Variants in COLEC10 observed in about 807,000 individuals in gnomAD.
COLEC10 encodes collectin-10.
In COLEC10, 22 loss-of-function variants were observed where a neutral mutation model predicts 28.4. The observed-to-expected ratio is 0.78, with a 90% confidence interval of 0.55 to 1.11. COLEC10 has a LOEUF of 1.11. Among genes scored for constraint, COLEC10 ranks in the 50% least tolerant of loss-of-function variants. The pLI is 0.00. For synonymous variants in COLEC10, 125 were observed against 116.1 expected (o/e 1.08, Z -0.49); for missense variants, 361 against 344.1 (o/e 1.05, Z -0.39).
chr8:119,083,680 A>G (rs1047728817), intron 1 of COLEC10, among the ~76,000 whole-genome samples: 3 of 152,206 alleles, frequency 2.0e-5, no homozygotes, highest in Admixed American at 6.6e-5. Context: ...CGGATAGGAA[A>G]CTAAAGCAGG....
At chr8:118,993,900 T>G (rs1473993062), upstream of COLEC10, among the ~76,000 whole-genome samples, 1 of 152,144 alleles carries the variant, frequency 6.6e-6, no homozygotes, top group African/African-American at 2.4e-5. Context: ...TGGTTAAAGA[T>G]GAAGAATTCC....
At chr8:119,004,999 G>T (rs1225742621) in intron 1 of COLEC10, among the ~76,000 whole-genome samples, 1 of 151,890 alleles carries the variant, frequency 6.6e-6, no homozygotes, top group Non-Finnish European at 1.5e-5. Flanking sequence ...TAACATGCAG[G>T]TATGATCATG....
At chr8:118,988,041 G>T in the COLEC10 span, among the ~76,000 whole-genome samples, 33 of 152,232 alleles carry the variant, frequency 2.2e-4, no homozygotes, top group Non-Finnish European at 3.2e-4. Flanking sequence ...AGAGACAGGT[G>T]CATCCAGAGA....
chr8:119,020,482 A>G (rs762177177), intron 2 of COLEC10, among the ~76,000 whole-genome samples: 31 of 152,142 alleles, frequency 2.0e-4, no homozygotes, highest in Non-Finnish European at 4.1e-4. Context: ...GTAGATGTAC[A>G]CAGACACTTA....
At chr8:118,971,350 C>T in the COLEC10 span, among the ~76,000 whole-genome samples, 2 of 151,948 alleles carry the variant, frequency 1.3e-5, no homozygotes, top group Non-Finnish European at 2.9e-5. Flanking sequence ...GCATGACTCT[C>T]CTTTTCTGGG....
chr8:119,035,000 G>A (rs1814361169), intron 2 of COLEC10, among the ~76,000 whole-genome samples: 1 of 152,122 alleles, frequency 6.6e-6, no homozygotes, highest in Non-Finnish European at 1.5e-5. Context: ...CTGAGTTAGC[G>A]GCAATACTAA....
At chr8:119,030,442 T>A (rs1814267648) in intron 2 of COLEC10, among the ~76,000 whole-genome samples, 1 of 152,118 alleles carries the variant, frequency 6.6e-6, no homozygotes, top group Admixed American at 6.6e-5. Flanking sequence ...GGTGGGCAGA[T>A]CACTTGAGGT....
the COLEC10 span, among the ~76,000 whole-genome samples, chr8:118,987,464 T>C: frequency 6.6e-6 from 1 of 152,118 alleles, no homozygotes; most frequent in Non-Finnish European, 1.5e-5. Context: ...TTTGGGAGGC[T>C]GAGGCATGAA....
rs1365423270 is a variant in COLEC10 at position 119,069,452 on chromosome 8, T to A, written c.148+2023T>A. ...TCTACAAAAAATTAAAATAATTTTTTAAAAATTAGCCAGGTGTGGTGGTGC... is the reference window on the plus strand; with the variant it reads ...TCTACAAAAAATTAAAATAATTTTTAAAAAATTAGCCAGGTGTGGTGGTGC... On this transcript the variant is annotated intron_variant, in intron 1 of 5. Transcript: ENST00000332843. Among the ~76,000 whole-genome samples, 29 of 149,766 alleles carry A rather than the reference T, an allele frequency of 1.9e-4. No individual in the cohort carries two copies. The Admixed American group carries it at 1.9e-3, about 10-fold the overall frequency.
chr8:119,084,164 A>T (rs1200238896), intron 1 of COLEC10, among the ~76,000 whole-genome samples: 1 of 152,208 alleles, frequency 6.6e-6, no homozygotes, highest in East Asian at 1.9e-4. Flanking sequence ...AGCCACCCCC[A>T]GGATGGGAGA....
At chr8:118,969,681 GTTTC>G in the COLEC10 span, among the ~76,000 whole-genome samples, 2 of 148,928 alleles carry the variant, frequency 1.3e-5, no homozygotes, top group East Asian at 2.0e-4. Flanking sequence ...TAATTGGCTT[GTTTC>G]TTTCTTTCTT....
chr8:119,085,241 GCA>G (rs1352426602), intron 1 of COLEC10, among the ~76,000 whole-genome samples: 1 of 152,152 alleles, frequency 6.6e-6, no homozygotes, highest in Non-Finnish European at 1.5e-5. Context: ...GTAGGTGAAG[GCA>G]CCAAGGGAAT....
At chr8:118,996,192 T>A (rs1466253269) in intron 1 of COLEC10, among the ~76,000 whole-genome samples, 7 of 152,238 alleles carry the variant, frequency 4.6e-5, no homozygotes, top group Non-Finnish European at 1.0e-4. Context: ...TCATCCATGT[T>A]GTTACACATG....
chr8:119,071,221 A>G (rs769167781), intron 1 of COLEC10, among the ~76,000 whole-genome samples: 5 of 152,194 alleles, frequency 3.3e-5, no homozygotes, highest in Non-Finnish European at 7.3e-5. Context: ...CTCCTCTTTG[A>G]TAATCAACTT....
intron 1 of COLEC10, among the ~76,000 whole-genome samples, chr8:119,072,085 T>A (rs1264588588): frequency 6.6e-6 from 1 of 152,168 alleles, no homozygotes; most frequent in African/African-American, 2.4e-5. Context: ...CACTGCTGCC[T>A]CCTTCACTAA....
the COLEC10 span, among the ~76,000 whole-genome samples, chr8:118,971,704 T>G: frequency 6.6e-5 from 10 of 152,018 alleles, no homozygotes; most frequent in Non-Finnish European, 1.3e-4. Context: ...TCTGGTTATG[T>G]GGACATTGTG....
At chr8:119,003,860 C>T (rs6469794) in intron 1 of COLEC10, among the ~76,000 whole-genome samples, 100,351 of 151,948 alleles carry the variant, frequency 0.66, 34,593 homozygotes, top group African/African-American at 0.86. Context: ...TTGATAAGGT[C>T]CAGAGAAAAC....
chr8:118,977,165 G>A, the COLEC10 span, among the ~76,000 whole-genome samples: 1 of 146,044 alleles, frequency 6.8e-6, no homozygotes. Flanking sequence ...CTGTAAACTA[G>A]TTCAACCATT....
At chr8:119,056,361 T>C (rs937741784) in intron 2 of COLEC10, among the ~76,000 whole-genome samples, 1 of 152,096 alleles carries the variant, frequency 6.6e-6, no homozygotes, top group Admixed American at 6.6e-5. Flanking sequence ...GAGATGAAAG[T>C]GGATTTTACC....
Sources: gnomAD v4.1 joint callset for allele counts (sites outside exome capture counted in the v4.1 genomes callset) on GRCh38, gnomAD v4.1.1 for gene constraint, MANE v1.5 for transcripts, NCBI Gene and HGNC (gene_info 2026-07-23, HGNC 2026-07-21) for gene names.